Variants in DNAH11 observed in about 807,000 individuals in gnomAD.
DNAH11 encodes dynein axonemal heavy chain 11, also known as axonemal beta dynein heavy chain 11.
A neutral mutation model predicts 526.0 loss-of-function variants in DNAH11; 442 were observed. That is an observed-to-expected ratio of 0.84 (90% CI 0.78 to 0.91). The LOEUF (loss-of-function observed/expected upper bound fraction) is 0.91, where lower values mean the gene tolerates loss of function less well. Among genes scored for constraint, DNAH11 ranks in the 40% least tolerant of loss-of-function variants. The pLI is 0.00. For missense variants in DNAH11, 6,989 were observed against 5,448.7 expected (o/e 1.28, Z -8.90); for synonymous variants, 2,461 against 1,935.9 (o/e 1.27, Z -7.12).
chr7:21,569,967 T>G (rs554328685), intron 6 of DNAH11, 102 bp from the exon 7 acceptor site: 173 of 963,738 alleles, frequency 1.8e-4, no homozygotes, highest in Middle Eastern at 1.1e-3. Flanking sequence ...TGGCCCAACT[T>G]TAGATACTGG....
chr7:21,789,808 T>TTTCTTTCTTTC (rs1788373540), intron 61 of DNAH11, among the ~76,000 whole-genome samples: 13 of 34,126 alleles, frequency 3.8e-4, no homozygotes, highest in Admixed American at 2.0e-3. Context: ...TTTCTTTCTT[T>TTTCTTTCTTTC]TTTCTTTCTT....
chr7:21,789,402 G>A, intron 61 of DNAH11, 60 bp downstream of exon 61: 1 of 1,132,958 alleles, frequency 8.8e-7, no homozygotes, highest in South Asian at 1.5e-5. Flanking sequence ...CTCCACCTTA[G>A]GATTCCACCC....
chr7:21,549,112 C>T (rs1220444468), intron 2 of DNAH11, among the ~76,000 whole-genome samples: 2 of 152,172 alleles, frequency 1.3e-5, no homozygotes, highest in African/African-American at 4.8e-5. Context: ...CTCCTGACCT[C>T]AGGTGATACA....
At chr7:21,761,823 CT>C (rs1357701747) in intron 54 of DNAH11, among the ~76,000 whole-genome samples, 5 of 152,128 alleles carry the variant, frequency 3.3e-5, no homozygotes, top group African/African-American at 9.7e-5. Context: ...AATAATGGTT[CT>C]CTAAGTGACC....
chr7:21,792,769 G>A (rs957086250), intron 61 of DNAH11, among the ~76,000 whole-genome samples: 8 of 151,630 alleles, frequency 5.3e-5, no homozygotes, highest in African/African-American at 1.7e-4. Context: ...TTTTATTTGG[G>A]TCTTCTCTCC....
chr7:21,646,864 A>T (rs1023429991), intron 28 of DNAH11, among the ~76,000 whole-genome samples: 1 of 152,172 alleles, frequency 6.6e-6, no homozygotes, highest in African/African-American at 2.4e-5. Flanking sequence ...AAATCTCAAA[A>T]GTATGGGAGT....
chr7:21,857,706 T>G (rs1033991054), intron 68 of DNAH11, among the ~76,000 whole-genome samples: 4 of 151,990 alleles, frequency 2.6e-5, no homozygotes, highest in African/African-American at 7.2e-5. Flanking sequence ...TCAGTAGGGG[T>G]GCCAAGACAA....
At position 21,571,935 on chromosome 7, in the gene DNAH11, A is replaced by G. The variant is rs1783907231; in HGVS notation, c.1555A>G (p.Lys519Glu). ...EELMELCKLF[K>E]QSTYDPSDCT... ...ACTTATGGAACTCTGTAAACTTTTTAAACAGAGCACTTATGACCCATCTGA... is the reference window on the plus strand; with the variant it reads ...ACTTATGGAACTCTGTAAACTTTTTGAACAGAGCACTTATGACCCATCTGA... The change falls in exon 8 of 82, where the codon AAA (lysine) becomes GAA (glutamate). Residue 519 changes from lysine to glutamate, a missense_variant. Physicochemically the swap from Lys to Glu is moderately conservative, Grantham distance 56 (BLOSUM62 1). Coordinates refer to ENST00000409508, the MANE Select transcript of DNAH11 (RefSeq NM_001277115.2). The G allele has an allele frequency of 1.2e-6, 2 of 1,608,676 alleles. No homozygotes were observed. The highest frequency in any genetic ancestry group is 1.3e-5 in the African/African-American group (1 of 74,822).
intron 70 of DNAH11, 74 bp from the exon 71 acceptor site, chr7:21,866,396 C>T (rs1177416955): frequency 6.6e-6 from 9 of 1,372,278 alleles, no homozygotes; most frequent in Admixed American, 2.2e-5. Flanking sequence ...AGATTAGATA[C>T]ATTCACAAGT....
intron 35 of DNAH11, among the ~76,000 whole-genome samples, chr7:21,692,590 T>A (rs1034312846): frequency 2.0e-5 from 3 of 152,232 alleles, no homozygotes; most frequent in Non-Finnish European, 2.9e-5. Context: ...ACACTTGGGC[T>A]GTTTCCAGGT....
chr7:21,885,248 C>G (rs1784087312), intron 76 of DNAH11, among the ~76,000 whole-genome samples: 1 of 145,180 alleles, frequency 6.9e-6, no homozygotes, highest in Admixed American at 7.0e-5. Flanking sequence ...ATATAGAATT[C>G]CCGTTAATAT....
Position 21,709,041 on chromosome 7 carries a change from G to A in DNAH11, c.6683+1206G>A, listed in dbSNP as rs535087623. 1.4e-4 allele frequency among the ~76,000 whole-genome samples: 21 copies of A among 152,194 alleles called. No homozygotes were observed. The East Asian group carries it at 2.5e-3, about 18-fold the overall frequency. On this transcript the variant is annotated intron_variant, in intron 40 of 81. Transcript: ENST00000409508. ...GGAGATTTCTCAAAAAATTTAAAAC[G>A]GAACTACCGTTTGACCCAGCAATCC...
chr7:21,594,313 CCAT>C (rs1453469005), intron 14 of DNAH11, among the ~76,000 whole-genome samples: 3 of 152,128 alleles, frequency 2.0e-5, no homozygotes, highest in Non-Finnish European at 4.4e-5. Flanking sequence ...TCTTTGCAGT[CCAT>C]CATCATTCAC....
rs886788 is a variant in DNAH11 at position 21,738,557 on chromosome 7, C to T, written c.7646-144C>T. ...CAAAAGGAGGGGCCAGAGACACATC[C>T]CGGGTCTCTTAACCTATGAAGGGGC... On this transcript the variant is annotated intron_variant, in intron 46 of 81. Coordinates refer to ENST00000409508, the MANE Select transcript of DNAH11 (RefSeq NM_001277115.2). 682,036 of 739,560 alleles carry T rather than the reference C, an allele frequency of 0.92. 315,117 individuals carry two copies. Among genetic ancestry groups the T allele is most frequent in the African/African-American group, 0.94 (51,713 of 54,724 alleles). The allele number at this position is 739,560 out of a possible 1,614,324, so 45.8% of individuals were successfully genotyped here.
chr7:21,769,530 G>T (rs1338415918), intron 55 of DNAH11, among the ~76,000 whole-genome samples: 1 of 151,722 alleles, frequency 6.6e-6, no homozygotes, highest in African/African-American at 2.4e-5. Context: ...TGTCACCCAG[G>T]CTGGAGTGCA....
At chr7:21,770,944 C>G (rs1433797287) in intron 55 of DNAH11, among the ~76,000 whole-genome samples, 1 of 152,164 alleles carries the variant, frequency 6.6e-6, no homozygotes. Flanking sequence ...AGTTTTCTTT[C>G]TTTAATAAGC....
At chr7:21,811,244 C>G (rs937887750) in intron 63 of DNAH11, among the ~76,000 whole-genome samples, 3 of 152,036 alleles carry the variant, frequency 2.0e-5, no homozygotes, top group African/African-American at 7.2e-5. Flanking sequence ...GGGCAGATCA[C>G]TTGAGGTCAG....
intron 79 of DNAH11, among the ~76,000 whole-genome samples, chr7:21,897,223 G>GT (rs139016345): frequency 0.13 from 20,378 of 152,022 alleles, 1,607 homozygotes; most frequent in East Asian, 0.34. Context: ...ATACTTACAA[G>GT]TAAGTATTTT....
At chr7:21,791,407 T>G (rs139635232) in intron 61 of DNAH11, among the ~76,000 whole-genome samples, 1 of 152,252 alleles carries the variant, frequency 6.6e-6, no homozygotes, top group African/African-American at 2.4e-5. Context: ...AGATATATGA[T>G]CCAACCTTTC....
Sources: gnomAD v4.1 joint callset for allele counts (sites outside exome capture counted in the v4.1 genomes callset) on GRCh38, gnomAD v4.1.1 for gene constraint, MANE v1.5 for transcripts, NCBI Gene and HGNC (gene_info 2026-07-23, HGNC 2026-07-21) for gene names.